Variants in ATP11B observed in about 807,000 individuals in gnomAD.
ATP11B encodes the protein phospholipid-transporting ATPase IF.
ATP11B carries 81 observed loss-of-function variants against 157.8 expected under a neutral mutation model. That is an observed-to-expected ratio of 0.51 (90% confidence interval 0.43 to 0.62). The LOEUF (loss-of-function observed/expected upper bound fraction) is 0.62, where lower values mean the gene tolerates loss of function less well. Among genes scored for constraint, ATP11B ranks in the 20% least tolerant of loss-of-function variants. The pLI, the probability that ATP11B is intolerant of heterozygous loss-of-function variation, is 0.00. For synonymous variants in ATP11B, 451 were observed against 469.4 expected, an observed-to-expected ratio of 0.96 and a Z score of 0.51; for missense variants, 1,165 against 1,402.2, an observed-to-expected ratio of 0.83 and a Z score of 2.70.
chr3:182,857,238 C>T lies in ATP11B; in HGVS notation c.852-640C>T, dbSNP rs112314498. 5.5e-4 allele frequency among the ~76,000 whole-genome samples: 84 copies of T among 152,318 alleles called. 1 individual carries two copies. The highest frequency in any genetic ancestry group is 1.9e-3 in the African/African-American group (80 of 41,562). ...TCGCCTCACTGCAAGCTCTGCCTCC[C>T]GAGTTCATGCCATTCTCCTGCCTCA... On this transcript the variant is annotated intron_variant, in intron 10 of 29. Coordinates refer to ENST00000323116, the MANE Select transcript of ATP11B (RefSeq NM_014616.3).
At position 182,918,669 on chromosome 3, in the gene ATP11B, G is replaced by A; in HGVS notation, c.*565G>A. 1 of 292,436 alleles carries A rather than the reference G, an allele frequency of 3.4e-6. No homozygotes were observed. The highest frequency in any genetic ancestry group is 6.2e-6 in the Non-Finnish European group (1 of 160,098). 18.1% of individuals were successfully genotyped at this position (292,436 alleles called of 1,614,324 possible). On this transcript the variant is annotated 3_prime_UTR_variant, in exon 30 of 30. Transcript: ENST00000323116. The stretch of plus-strand genomic sequence containing the variant: ...CATTCTGAGTTCACAGAGCAAATTA[G>A]GAGAATCATTTCCAACCATTATTTA...
chr3:182,857,228 C>T (rs1720472339), intron 10 of ATP11B, among the ~76,000 whole-genome samples: 1 of 152,216 alleles, frequency 6.6e-6, no homozygotes, highest in African/African-American at 2.4e-5. Flanking sequence ...TCACTGCAAG[C>T]TCTGCCTCCC....
At chr3:182,899,780 T>G (rs1403988577) in intron 28 of ATP11B, among the ~76,000 whole-genome samples, 2 of 152,166 alleles carry the variant, frequency 1.3e-5, no homozygotes, top group South Asian at 4.1e-4. Context: ...TTCCAAATAC[T>G]TAGTAGGTGC....
At chr3:182,898,805 TTTAG>T in intron 28 of ATP11B, 33 bp downstream of exon 28, 1 of 1,364,216 alleles carries the variant, frequency 7.3e-7, no homozygotes, top group Non-Finnish European at 9.7e-7. Flanking sequence ...TCAATATCTT[TTTAG>T]TTAGGGATCT....
intron 29 of ATP11B, chr3:182,914,341 T>C (rs1056837580): frequency 3.6e-5 from 35 of 976,944 alleles, no homozygotes; most frequent in Admixed American, 1.2e-4. Flanking sequence ...ACTATTTCCT[T>C]TTTATTTTTT....
Position 182,859,267 on chromosome 3 carries a change from T to C in ATP11B, c.1108T>C (p.Phe370Leu). 6.2e-7 allele frequency: 1 copy of C among 1,611,822 alleles called. No individual in the cohort carries two copies. The highest frequency in any genetic ancestry group is 1.1e-5 in the South Asian group (1 of 90,722). The change falls in exon 12 of 30, where the codon TTT becomes CTT. Residue 370 changes from phenylalanine to leucine, a missense_variant. By Grantham distance (22) the Phe-to-Leu change is conservative. Coordinates refer to ENST00000323116, the MANE Select transcript of ATP11B (RefSeq NM_014616.3). ...CGAAATGCAGAAATTTCTTGGATCA[T>C]TTTTTATTGGCTGGGATCTTGATCT... ...TVEMQKFLGSFFIGWDLDLYH... is the reference protein window; with the variant it reads ...TVEMQKFLGSLFIGWDLDLYH...
At chr3:182,862,082 C>CA (rs1390676052) in intron 12 of ATP11B, among the ~76,000 whole-genome samples, 6 of 151,606 alleles carry the variant, frequency 4.0e-5, no homozygotes, top group Non-Finnish European at 5.9e-5. Context: ...CCCATCTCTA[C>CA]AAAAAAATAC....
intron 29 of ATP11B, chr3:182,916,850 A>G (rs547687639): frequency 1.0e-6 from 1 of 983,806 alleles, no homozygotes; most frequent in South Asian, 4.7e-5. Flanking sequence ...TGGAGTACTG[A>G]TAGCTGTTAT....
chr3:182,834,806 A>AC, intron 4 of ATP11B, among the ~76,000 whole-genome samples: 1 of 152,226 alleles, frequency 6.6e-6, no homozygotes, highest in Non-Finnish European at 1.5e-5. Flanking sequence ...GATTAGGGGA[A>AC]CCCCTTATGC....
At chr3:182,905,724 A>G (rs549489143) in intron 28 of ATP11B, 3 of 453,792 alleles carry the variant, frequency 6.6e-6, no homozygotes, top group Admixed American at 4.7e-5. Flanking sequence ...TGTTGCTTTG[A>G]TCTTAAACCT....
At chr3:182,916,516 G>GT in intron 29 of ATP11B, 1 of 985,272 alleles carries the variant, frequency 1.0e-6, no homozygotes, top group Non-Finnish European at 1.2e-6. Flanking sequence ...GAGCATCATG[G>GT]TGCTATATAA....
At chr3:182,801,479 A>G (rs1008974888) in intron 1 of ATP11B, among the ~76,000 whole-genome samples, 2 of 152,226 alleles carry the variant, frequency 1.3e-5, no homozygotes, top group African/African-American at 2.4e-5. Context: ...GAAAATTTCA[A>G]TCACCTGCAA....
chr3:182,819,824 A>G (rs1392530714), intron 1 of ATP11B, among the ~76,000 whole-genome samples: 1 of 152,216 alleles, frequency 6.6e-6, no homozygotes, highest in Non-Finnish European at 1.5e-5. Flanking sequence ...CAGGACTTCC[A>G]CATCACTGAG....
chr3:182,817,441 C>T (rs1717034635), intron 1 of ATP11B, among the ~76,000 whole-genome samples: 1 of 152,070 alleles, frequency 6.6e-6, no homozygotes, highest in African/African-American at 2.4e-5. Flanking sequence ...CCACCACACC[C>T]AGCTAATTTT....
chr3:182,906,101 C>T (rs1464935209), intron 28 of ATP11B, among the ~76,000 whole-genome samples: 2 of 152,130 alleles, frequency 1.3e-5, no homozygotes, highest in Non-Finnish European at 2.9e-5. Flanking sequence ...ATATGTCCAT[C>T]CCTGAAAATT....
At chr3:182,880,809 G>A in intron 20 of ATP11B, 70 bp from the exon 21 acceptor site, 2 of 890,974 alleles carry the variant, frequency 2.2e-6, no homozygotes, top group South Asian at 4.1e-5. Flanking sequence ...AGTCATTTCA[G>A]ATAAATGACT....
intron 10 of ATP11B, among the ~76,000 whole-genome samples, chr3:182,853,853 A>G (rs1042729076): frequency 4.6e-5 from 7 of 152,188 alleles, no homozygotes; most frequent in South Asian, 2.1e-4. Context: ...AGCAAAAACA[A>G]TCTCTTAAGA....
At chr3:182,817,534 C>T (rs1376987655) in intron 1 of ATP11B, among the ~76,000 whole-genome samples, 1 of 152,182 alleles carries the variant, frequency 6.6e-6, no homozygotes, top group Non-Finnish European at 1.5e-5. Context: ...CTGCCTCGGC[C>T]TCCCGAAGTG....
Position 182,845,469 on chromosome 3 carries a change from C to T in ATP11B, c.716C>T (p.Pro239Leu), listed in dbSNP as rs771273511. ...TCTTTTTTTCCTAGACCTCTGGGGCCGGAGAGTCTCCTGCTTCGTGGAGCC... is the reference window on the plus strand; with the variant it reads ...TCTTTTTTTCCTAGACCTCTGGGGCTGGAGAGTCTCCTGCTTCGTGGAGCC... ...QMEEIVRPLGPESLLLRGARL... is the reference protein window; with the variant it reads ...QMEEIVRPLGLESLLLRGARL... The change falls in exon 9 of 30, where the codon CCG becomes CTG. Residue 239 changes from proline to leucine, a missense_variant. Pro to Leu is a moderately conservative substitution (Grantham distance 98, BLOSUM62 -3). Transcript: ENST00000323116. The T allele has an allele frequency of 3.4e-5, 54 of 1,598,224 alleles. 1 individual carries two copies. Among genetic ancestry groups the T allele is most frequent in the East Asian group, 2.0e-4 (9 of 44,128 alleles).
Sources: allele counts gnomAD v4.1 joint callset (sites outside exome capture counted in the v4.1 genomes callset), GRCh38; gene constraint gnomAD v4.1.1; transcripts MANE v1.5; gene names NCBI Gene and HGNC (gene_info 2026-07-23, HGNC 2026-07-21).